Variants in NACC2 observed in about 807,000 individuals in gnomAD.
The protein encoded by NACC2 is NACC family member 2.
NACC2 carries 8 observed loss-of-function variants against 25.1 expected under a neutral mutation model. That is an observed-to-expected ratio of 0.32 (90% confidence interval 0.19 to 0.57). The LOEUF (loss-of-function observed/expected upper bound fraction) is 0.57, where lower values mean the gene tolerates loss of function less well. NACC2 is among the 20% of genes least tolerant of loss of function. The pLI, the probability that NACC2 is intolerant of heterozygous loss-of-function variation, is 0.89. For synonymous variants in NACC2, 435 were observed against 294.7 expected (o/e 1.48, Z -4.88); for missense variants, 644 against 650.2 (o/e 0.99, Z 0.10).
At chr9:136,041,737 A>G (rs1840635936) in intron 2 of NACC2, among the ~76,000 whole-genome samples, 1 of 152,222 alleles carries the variant, frequency 6.6e-6, no homozygotes, top group East Asian at 1.9e-4. Context: ...CTTTAAACAG[A>G]TGAACAGTAT....
rs1234162585 is a variant in NACC2, at chr9:136,049,899, G to A, written c.623C>T (p.Ala208Val). 1.7e-5 allele frequency: 10 copies of A among 584,150 alleles called. No homozygotes were observed. The East Asian group carries it at 1.9e-4, about 11-fold the overall frequency. The allele number at this position is 584,150 out of a possible 1,614,324, so 36.2% of individuals were successfully genotyped here. ...RDGVAVAAGA[A>V]VAAGTAPLKL... The stretch of plus-strand genomic sequence containing the variant: ...GAGAGGGGCTGTGCCCGCCGCCACC[G>A]CAGCCCCCGCGGCCACCGCCACGCC... Residue 208 changes from alanine (A) to valine (V), a missense_variant, in exon 2 of 6, where the codon GCG becomes GTG. By Grantham distance (64) the Ala-to-Val change is moderately conservative (BLOSUM62 0). Coordinates refer to ENST00000277554, the MANE Select transcript of NACC2 (RefSeq NM_144653.5).
At chr9:136,037,177 C>T (rs991230998) in intron 2 of NACC2, among the ~76,000 whole-genome samples, 122 of 152,274 alleles carry the variant, frequency 8.0e-4, no homozygotes, top group South Asian at 2.1e-3. Context: ...AAAGCTGATG[C>T]CTTTTATTTT....
Position 136,011,829 on chromosome 9 carries a change from G to T in NACC2, c.1451C>A (p.Pro484Gln). The change falls in exon 6 of 6, where the codon CCG (proline) becomes CAG (glutamine). Residue 484 changes from proline (P) to glutamine (Q), a missense_variant. By Grantham distance (76) the Pro-to-Gln change is moderately conservative. Coordinates refer to ENST00000277554, the MANE Select transcript of NACC2 (RefSeq NM_144653.5). The stretch of plus-strand genomic sequence containing the variant: ...CTCGAACACCTGTGCCGCGGCAGGC[G>T]GGAACTCGGGGTCGAGGGGCACGCT... ...AASVPLDPEF[P>Q]PAAAQVFEQR... 1 of 1,565,692 alleles carries T rather than the reference G, an allele frequency of 6.4e-7. No individual in the cohort carries two copies. The highest frequency in any genetic ancestry group is 2.4e-5 in the East Asian group (1 of 42,080).
intron 1 of NACC2, among the ~76,000 whole-genome samples, chr9:136,073,865 T>G (rs1668499105): frequency 6.6e-6 from 1 of 152,188 alleles, no homozygotes; most frequent in Admixed American, 6.5e-5. Context: ...TGCTGCCTGG[T>G]CTTGGAGTAT....
chr9:136,050,831 C>T (rs1047167505), intron 1 of NACC2, among the ~76,000 whole-genome samples: 2 of 152,122 alleles, frequency 1.3e-5, no homozygotes, highest in Admixed American at 6.5e-5. Context: ...GGCAGGAGTG[C>T]GCCCACGCCA....
At position 136,086,343 on chromosome 9, in the gene NACC2, T is replaced by C. The variant is rs988928141; in HGVS notation, c.-60+8846A>G. 1.3e-5 allele frequency among the ~76,000 whole-genome samples: 2 copies of C among 152,156 alleles called. No individual in the cohort carries two copies. The highest frequency in any genetic ancestry group is 2.9e-5 in the Non-Finnish European group (2 of 68,002). ...GGGGTTTGGGGGGTGGGGGTGCCTC[T>C]GTTTTCCTGCATCATCAGGAGCCTG... On this transcript the variant is annotated intron_variant, in intron 1 of 5. Coordinates refer to ENST00000277554, the MANE Select transcript of NACC2 (RefSeq NM_144653.5). This position sits in a 1 kb window ranked among gnomAD's most constrained non-coding sequence, Gnocchi z 5.6.
Position 136,006,849 on chromosome 9 carries a change from G to A in NACC2, c.*4667C>T, listed in dbSNP as rs1235688336. The stretch of plus-strand genomic sequence containing the variant: ...CAAAAAAAAAAAGCTAAGCATCTGT[G>A]GCTGAAATCTAACTCAGTGGTACTG... On this transcript the variant is annotated 3_prime_UTR_variant, in exon 6 of 6. Transcript: ENST00000277554. 6.6e-6 allele frequency: 1 copy of A among 152,120 alleles called. No individual in the cohort carries two copies. The highest frequency in any genetic ancestry group is 1.9e-4 in the East Asian group (1 of 5,188). The allele number at this position is 152,120 out of a possible 1,614,324, so 9.4% of individuals were successfully genotyped here. A position where few individuals can be genotyped will look rare whatever the true frequency, so the allele number is the denominator to read the frequency against.
chr9:136,013,399 A>C lies in NACC2; in HGVS notation c.1158-103T>G, dbSNP rs1588555540. The C allele has an allele frequency of 9.7e-7, 1 of 1,035,182 alleles. No individual in the cohort carries two copies. The highest frequency in any genetic ancestry group is 1.4e-6 in the Non-Finnish European group (1 of 692,754). The allele number at this position is 1,035,182 out of a possible 1,614,324, so 64.1% of individuals were successfully genotyped here. On this transcript the variant is annotated intron_variant, in intron 4 of 5. Transcript: ENST00000277554. The surrounding 1 kb of genome is among the most constrained non-coding windows in gnomAD (Gnocchi z 6.6). ...CCCTGCTGGGAGGCCACTTGGCCTC[A>C]CCCTTGGCTGGTCTGCGTGTGTCCC...
Position 136,013,315 on chromosome 9 carries a change from A to G in NACC2, c.1158-19T>C. The G allele has an allele frequency of 2.5e-6, 4 of 1,607,248 alleles. No individual in the cohort carries two copies. Among genetic ancestry groups the G allele is most frequent in the Non-Finnish European group, 3.4e-6 (4 of 1,175,998 alleles). ...CGTGTTCCTGGTGGAGGGACCGGAA[A>G]GGCAGGCAGGGTGAGGATGATGGGG... On this transcript the variant is annotated intron_variant, in intron 4 of 5. Coordinates refer to ENST00000277554, the MANE Select transcript of NACC2 (RefSeq NM_144653.5). The surrounding 1 kb of genome is among the most constrained non-coding windows in gnomAD (Gnocchi z 6.6).
chr9:136,050,585 G>C lies in NACC2; in HGVS notation c.-59-5C>G, dbSNP rs1008493643. The C allele has an allele frequency of 5.3e-5, 38 of 716,114 alleles. No homozygotes were observed. The highest frequency in any genetic ancestry group is 1.7e-4 in the African/African-American group (10 of 57,724). The allele number at this position is 716,114 out of a possible 1,614,324, so 44.4% of individuals were successfully genotyped here. A position where few individuals can be genotyped will look rare whatever the true frequency, so the allele number is the denominator to read the frequency against. On this transcript the variant is annotated splice_polypyrimidine_tract_variant and splice_region_variant and intron_variant, in intron 1 of 5. Transcript: ENST00000277554. Reference sequence around the variant, plus strand: ...GGCGGCCCTAGCGGGGCTCATCTGTGGGGGGCAGGAGGCACGTGGTCAGTT... The same window carrying C: ...GGCGGCCCTAGCGGGGCTCATCTGTCGGGGGCAGGAGGCACGTGGTCAGTT...
At chr9:136,076,493 C>A (rs567524429) in intron 1 of NACC2, among the ~76,000 whole-genome samples, 2 of 152,150 alleles carry the variant, frequency 1.3e-5, no homozygotes, top group African/African-American at 4.8e-5. Context: ...CAGAGCAGGA[C>A]AGTTCAGAGA....
chr9:136,075,488 G>A (rs977511153), intron 1 of NACC2, among the ~76,000 whole-genome samples: 8 of 152,262 alleles, frequency 5.3e-5, no homozygotes, highest in East Asian at 1.9e-4. Flanking sequence ...TGAACCTGCC[G>A]TCTCCTACAT....
At chr9:136,014,794 G>A (rs1840173597) in intron 3 of NACC2, among the ~76,000 whole-genome samples, 1 of 152,190 alleles carries the variant, frequency 6.6e-6, no homozygotes, top group South Asian at 2.1e-4. Flanking sequence ...AACCAGCTAG[G>A]GCAGAGGCGT....
chr9:136,040,927 C>T (rs1471305911), intron 2 of NACC2, among the ~76,000 whole-genome samples: 2 of 149,650 alleles, frequency 1.3e-5, no homozygotes, highest in Admixed American at 1.3e-4. Context: ...TGCCATTGCA[C>T]TCCAGCCCAG....
At position 136,019,918 on chromosome 9, in the gene NACC2, C is replaced by G. The variant is rs1393704872; in HGVS notation, c.887-3489G>C. On this transcript the variant is annotated intron_variant, in intron 2 of 5. Transcript: ENST00000277554. The surrounding 1 kb of genome is among the most constrained non-coding windows in gnomAD (Gnocchi z 5.2). Reference sequence around the variant, plus strand: ...GCTGCCAGACACAGAAGGACACATCCCGGGGCTCCACTCGCAGGCGGCCCC... The same window carrying G: ...GCTGCCAGACACAGAAGGACACATCGCGGGGCTCCACTCGCAGGCGGCCCC... 6.6e-6 allele frequency among the ~76,000 whole-genome samples: 1 copy of G among 151,956 alleles called. No individual in the cohort carries two copies. Among genetic ancestry groups the G allele is most frequent in the Non-Finnish European group, 1.5e-5 (1 of 67,984 alleles).
At chr9:136,068,093 C>T (rs188905566) in intron 1 of NACC2, among the ~76,000 whole-genome samples, 24 of 152,310 alleles carry the variant, frequency 1.6e-4, no homozygotes, top group Admixed American at 1.5e-3. Context: ...GGGCATTGCT[C>T]TGGGTGAGTG....
At position 136,022,779 on chromosome 9, in the gene NACC2, G is replaced by A. The variant is rs1008638741; in HGVS notation, c.887-6350C>T. Reference sequence around the variant, plus strand: ...AAACGACTTCCACGCTGTACTTGGTGGGAGCACAGAGGCCACAATTATAAG... The same window carrying A: ...AAACGACTTCCACGCTGTACTTGGTAGGAGCACAGAGGCCACAATTATAAG... On this transcript the variant is annotated intron_variant, in intron 2 of 5. Coordinates refer to ENST00000277554, the MANE Select transcript of NACC2 (RefSeq NM_144653.5). The surrounding 1 kb of genome is among the most constrained non-coding windows in gnomAD (Gnocchi z 4.4). 6.6e-6 allele frequency among the ~76,000 whole-genome samples: 1 copy of A among 152,010 alleles called. No homozygotes were observed. The highest frequency in any genetic ancestry group is 2.4e-5 in the African/African-American group (1 of 41,388).
intron 2 of NACC2, among the ~76,000 whole-genome samples, chr9:136,040,841 G>C (rs1336153201): frequency 6.6e-6 from 1 of 152,086 alleles, no homozygotes; most frequent in Non-Finnish European, 1.5e-5. Context: ...CACGCCTGTA[G>C]TTCCAGCTAC....
At chr9:136,057,057 G>A (rs937574430) in intron 1 of NACC2, among the ~76,000 whole-genome samples, 3 of 152,184 alleles carry the variant, frequency 2.0e-5, no homozygotes, top group African/African-American at 7.2e-5. Flanking sequence ...CCAGTACCTC[G>A]AGGGAGGGCT....
Sources: gnomAD v4.1 joint callset for allele counts (sites outside exome capture counted in the v4.1 genomes callset) on GRCh38, gnomAD v4.1.1 for gene constraint, Gnocchi (gnomAD v3.1) non-coding constraint, MANE v1.5 for transcripts, NCBI Gene and HGNC (gene_info 2026-07-23, HGNC 2026-07-21) for gene names.